Variants in TEAD1 observed in about 807,000 individuals in gnomAD.
TEAD1 encodes the protein TEA domain transcription factor 1.
TEAD1 carries 9 observed loss-of-function variants against 54.9 expected under a neutral mutation model. That is an observed-to-expected ratio of 0.16 (90% confidence interval 0.10 to 0.29). The LOEUF (loss-of-function observed/expected upper bound fraction) is 0.29. TEAD1 is among the 10% of genes least tolerant of loss of function. The pLI is 1.00. For synonymous variants in TEAD1, 200 were observed against 187.8 expected, an observed-to-expected ratio of 1.07 and a Z score of -0.53; for missense variants, 387 against 535.9, an observed-to-expected ratio of 0.72 and a Z score of 2.74.
In TEAD1 at chr11:12,882,079, C is replaced by T. The variant is rs144801033; in HGVS notation, c.574+122C>T. The T allele has an allele frequency of 2.6e-5, 27 of 1,051,190 alleles. No individual in the cohort carries two copies. The African/African-American group carries it at 4.1e-4, about 16-fold the overall frequency. The allele number at this position is 1,051,190 out of a possible 1,614,324, so 65.1% of individuals were successfully genotyped here. A position where few individuals can be genotyped will look rare whatever the true frequency, so the allele number is the denominator to read the frequency against. The stretch of plus-strand genomic sequence containing the variant: ...TGCCACAGCCGCACATTGCCCCTGA[C>T]TTGCAGGATCCTTGGGTAGCCTGTA... On this transcript the variant is annotated intron_variant, in intron 8 of 12. Coordinates refer to ENST00000527636, the MANE Select transcript of TEAD1 (RefSeq NM_021961.6).
intron 3 of TEAD1, among the ~76,000 whole-genome samples, chr11:12,815,368 C>T (rs1400018013): frequency 6.6e-6 from 1 of 152,098 alleles, no homozygotes; most frequent in African/African-American, 2.4e-5. Context: ...CAGCTGTTTC[C>T]GTTTGGTTTT....
At chr11:12,765,741 A>G (rs1460950252) in intron 3 of TEAD1, among the ~76,000 whole-genome samples, 2 of 152,180 alleles carry the variant, frequency 1.3e-5, no homozygotes, top group African/African-American at 2.4e-5. Flanking sequence ...AAGGAGACCC[A>G]GGCCTTCAGC....
chr11:12,681,176 G>A (rs1943213287), intron 2 of TEAD1, among the ~76,000 whole-genome samples: 1 of 152,122 alleles, frequency 6.6e-6, no homozygotes, highest in South Asian at 2.1e-4. Context: ...ACCTTGTCAT[G>A]TATTGTCATT....
At chr11:12,935,763 A>T (rs1949088568) in intron 12 of TEAD1, among the ~76,000 whole-genome samples, 1 of 152,136 alleles carries the variant, frequency 6.6e-6, no homozygotes, top group Admixed American at 6.5e-5. Flanking sequence ...CGGCCCAGCA[A>T]ATATTTATTA....
At chr11:12,813,914 G>A (rs1946359779) in intron 3 of TEAD1, among the ~76,000 whole-genome samples, 1 of 152,144 alleles carries the variant, frequency 6.6e-6, no homozygotes, top group African/African-American at 2.4e-5. Context: ...GGTGTAGCCT[G>A]TGTCCAGCTC....
intron 3 of TEAD1, among the ~76,000 whole-genome samples, chr11:12,837,409 A>G (rs1365821817): frequency 1.3e-5 from 2 of 152,210 alleles, no homozygotes; most frequent in Non-Finnish European, 2.9e-5. Context: ...CAATGAGATT[A>G]GAGTCTCTTT....
intron 2 of TEAD1, among the ~76,000 whole-genome samples, chr11:12,713,988 C>T (rs1226901433): frequency 6.6e-6 from 1 of 152,198 alleles, no homozygotes; most frequent in East Asian, 1.9e-4. Flanking sequence ...CTTGCACATT[C>T]CTAGATGAAA....
intron 3 of TEAD1, among the ~76,000 whole-genome samples, chr11:12,793,511 G>A (rs1165291436): frequency 2.0e-5 from 3 of 152,092 alleles, no homozygotes; most frequent in Non-Finnish European, 4.4e-5. Context: ...ATTATGTACT[G>A]TGTTTCTTTC....
Position 12,942,278 on chromosome 11 carries a change from G to A in TEAD1, c.*5056G>A, listed in dbSNP as rs930667322. ...AGTGCTGCCATAATAACGATAATTT[G>A]TAGAGAGACCAAAAATATTTTGAGA... On this transcript the variant is annotated 3_prime_UTR_variant, in exon 13 of 13. Coordinates refer to ENST00000527636, the MANE Select transcript of TEAD1 (RefSeq NM_021961.6). 1.3e-5 allele frequency: 2 copies of A among 152,616 alleles called. No homozygotes were observed. Among genetic ancestry groups the A allele is most frequent in the Non-Finnish European group, 2.9e-5 (2 of 68,042 alleles). 9.5% of individuals were successfully genotyped at this position (152,616 alleles called of 1,614,324 possible).
chr11:12,751,052 T>C (rs1177709053), intron 2 of TEAD1, among the ~76,000 whole-genome samples: 1 of 152,164 alleles, frequency 6.6e-6, no homozygotes, highest in Non-Finnish European at 1.5e-5. Context: ...GGTTCATGCC[T>C]GTAGTCCCAG....
At chr11:12,853,890 A>G (rs1159909956) in intron 3 of TEAD1, among the ~76,000 whole-genome samples, 3 of 152,188 alleles carry the variant, frequency 2.0e-5, no homozygotes, top group African/African-American at 4.8e-5. Flanking sequence ...AGAAGTTCTG[A>G]GTAACCAGGA....
At chr11:12,859,101 G>A (rs1045970252) in intron 3 of TEAD1, among the ~76,000 whole-genome samples, 2 of 152,208 alleles carry the variant, frequency 1.3e-5, no homozygotes, top group Non-Finnish European at 1.5e-5. Context: ...GTGCATGATT[G>A]TACTTCAGTC....
At chr11:12,856,896 C>G (rs1350439027) in intron 3 of TEAD1, among the ~76,000 whole-genome samples, 1 of 152,136 alleles carries the variant, frequency 6.6e-6, no homozygotes, top group Non-Finnish European at 1.5e-5. Flanking sequence ...CTCCCTGACT[C>G]CATTCAATTA....
At chr11:12,935,476 T>TTTA (rs1554951557) in intron 12 of TEAD1, among the ~76,000 whole-genome samples, 284 of 136,364 alleles carry the variant, frequency 2.1e-3, no homozygotes, top group African/African-American at 7.6e-3. Flanking sequence ...TTATTTATTT[T>TTTA]TGAGGTAGAG....
At chr11:12,882,951 C>A in intron 8 of TEAD1, 50 bp from the exon 9 acceptor site, 1 of 1,613,990 alleles carries the variant, frequency 6.2e-7, no homozygotes, top group Non-Finnish European at 8.5e-7. Context: ...TTGCCTGAGG[C>A]CCAAGGGGAG....
At chr11:12,876,288 G>C (rs76201105) in intron 5 of TEAD1, among the ~76,000 whole-genome samples, 1 of 152,080 alleles carries the variant, frequency 6.6e-6, no homozygotes, top group African/African-American at 2.4e-5. Context: ...TATCAAACTT[G>C]TTTGAAGATT....
At chr11:12,888,111 A>G (rs1948127191) in intron 9 of TEAD1, among the ~76,000 whole-genome samples, 1 of 152,204 alleles carries the variant, frequency 6.6e-6, no homozygotes, top group South Asian at 2.1e-4. Context: ...TCTGTGAGGT[A>G]GGTTATTCTA....
At chr11:12,861,940 C>G (rs1336933520) in intron 3 of TEAD1, among the ~76,000 whole-genome samples, 1 of 149,758 alleles carries the variant, frequency 6.7e-6, no homozygotes, top group Non-Finnish European at 1.5e-5. Flanking sequence ...GAGCCAAGAT[C>G]GTGCCATTGC....
chr11:12,842,378 G>T (rs1233440399), intron 3 of TEAD1, among the ~76,000 whole-genome samples: 3 of 152,208 alleles, frequency 2.0e-5, no homozygotes, highest in Admixed American at 1.3e-4. Context: ...AGGAAGTTGA[G>T]ATTTGAGGAG....
Sources: gnomAD v4.1 joint callset for allele counts (sites outside exome capture counted in the v4.1 genomes callset) on GRCh38, gnomAD v4.1.1 for gene constraint, MANE v1.5 for transcripts, NCBI Gene and HGNC (gene_info 2026-07-23, HGNC 2026-07-21) for gene names.